Variants in RRAGB observed in about 807,000 individuals in gnomAD.
The protein encoded by RRAGB is ras-related GTP-binding protein B.
A neutral mutation model predicts 29.3 loss-of-function variants in RRAGB; 6 were observed. The ratio of observed to expected loss-of-function variants is 0.21; its 90% CI spans 0.11 to 0.40. RRAGB has a LOEUF of 0.40. RRAGB is among the 10% of genes least tolerant of loss of function. The probability of loss-of-function intolerance (pLI) is 1.00; values close to 1 mark genes in which losing one functional copy is unlikely to be tolerated. For missense variants in RRAGB, 184 were observed against 272.9 expected, an observed-to-expected ratio of 0.67 and a Z score of 2.29; for synonymous variants, 101 against 92.5, an observed-to-expected ratio of 1.09 and a Z score of -0.53.
intron 9 of RRAGB, among the ~76,000 whole-genome samples, chrX:55,757,908 T>C (rs1046571672): frequency 1.8e-5 from 2 of 111,881 alleles, no homozygotes; most frequent in Non-Finnish European, 3.8e-5. Flanking sequence ...CTTGCAGTAT[T>C]TTCAGGATGG....
At chrX:55,734,268 T>A (rs2033793635) in intron 5 of RRAGB, among the ~76,000 whole-genome samples, 1 of 109,531 alleles carries the variant, frequency 9.1e-6, no homozygotes, top group South Asian at 3.9e-4. Flanking sequence ...CGGCTGGGTT[T>A]TTTTTTTTTT....
chrX:55,752,144 C>A, intron 6 of RRAGB: 1 of 572,222 alleles, frequency 1.7e-6, no homozygotes. Context: ...GTTGACCCAG[C>A]CTCACTCTAA....
rs1179410507 is a variant in RRAGB, at chrX:55,729,306, A to G, written c.239A>G (p.His80Arg). 8.4e-7 allele frequency: 1 copy of G among 1,192,228 alleles called. No homozygotes were observed. Among genetic ancestry groups the G allele is most frequent in the Admixed American group, 2.2e-5 (1 of 45,441 alleles). The change falls in exon 4 of 10, where the codon CAT becomes CGT. Residue 80 changes from histidine (H) to arginine (R), a missense_variant. Coordinates refer to ENST00000374941, the MANE Select transcript of RRAGB (RefSeq NM_006064.5). ...RRLGATIDVE[H>R]SHVRFLGNLV... ...ATTTGTCTTCCAGTTGATGTAGAAC[A>G]TTCTCATGTTCGATTTCTGGGAAAC...
chrX:55,749,838 A>G (rs1425590222), intron 5 of RRAGB, among the ~76,000 whole-genome samples: 1 of 107,655 alleles, frequency 9.3e-6, no homozygotes, highest in African/African-American at 3.3e-5. Flanking sequence ...TGAAGGCAGC[A>G]TGCTCGTTAA....
At chrX:55,725,860 TA>T (rs1465936741) in intron 3 of RRAGB, among the ~76,000 whole-genome samples, 1 of 110,642 alleles carries the variant, frequency 9.0e-6, no homozygotes, top group South Asian at 3.8e-4. Flanking sequence ...CATCCCTCTT[TA>T]AAAAAAAATC....
chrX:55,750,048 T>TAAAA (rs774847577), intron 5 of RRAGB, among the ~76,000 whole-genome samples: 4 of 16,773 alleles, frequency 2.4e-4, no homozygotes, highest in East Asian at 1.9e-3. Flanking sequence ...AATGATCAAT[T>TAAAA]AAAAAAAAAA....
intron 5 of RRAGB, among the ~76,000 whole-genome samples, chrX:55,732,345 A>T (rs1166031444): frequency 8.9e-6 from 1 of 111,784 alleles, no homozygotes; most frequent in Non-Finnish European, 1.9e-5. Flanking sequence ...AAATAAGAGG[A>T]TTGGATTTTA....
intron 7 of RRAGB, chrX:55,755,591 G>A: frequency 1.3e-6 from 1 of 745,219 alleles, no homozygotes; most frequent in African/African-American, 2.3e-5. Flanking sequence ...AAATAGCAGT[G>A]AACCAAAATA....
intron 5 of RRAGB, among the ~76,000 whole-genome samples, chrX:55,742,164 C>T (rs186037883): frequency 2.9e-4 from 33 of 112,589 alleles, no homozygotes; most frequent in South Asian, 1.1e-3. Flanking sequence ...AAAAAACAGA[C>T]ATTTACTTTA....
At chrX:55,756,823 A>G (rs1209374775) in intron 8 of RRAGB, among the ~76,000 whole-genome samples, 7 of 111,604 alleles carry the variant, frequency 6.3e-5, no homozygotes, top group Non-Finnish European at 1.1e-4. Context: ...ATGTGGTGGC[A>G]TGCACCTCTG....
intron 8 of RRAGB, 114 bp downstream of exon 8, chrX:55,756,046 A>G (rs969856148): frequency 2.8e-5 from 14 of 501,434 alleles, no homozygotes; most frequent in Middle Eastern, 6.0e-4. Context: ...AGTTCCTTCA[A>G]TCAAAGACAA....
intron 6 of RRAGB, among the ~76,000 whole-genome samples, chrX:55,752,921 G>A (rs1427735574): frequency 2.7e-5 from 3 of 111,160 alleles, no homozygotes; most frequent in Non-Finnish European, 5.7e-5. Flanking sequence ...TTGAGGGGAG[G>A]GGCCATTTGT....
intron 5 of RRAGB, among the ~76,000 whole-genome samples, chrX:55,740,277 A>AG (rs1217725838): frequency 9.0e-6 from 1 of 110,640 alleles, no homozygotes; most frequent in Non-Finnish European, 1.9e-5. Flanking sequence ...GAGCCCAGAT[A>AG]GCGCCACTGC....
chrX:55,729,716 G>A (rs1374471206), intron 4 of RRAGB, among the ~76,000 whole-genome samples: 1 of 111,828 alleles, frequency 8.9e-6, no homozygotes, highest in Non-Finnish European at 1.9e-5. Context: ...GTTATAATAC[G>A]TCAATAATTT....
intron 5 of RRAGB, among the ~76,000 whole-genome samples, chrX:55,736,314 T>A (rs2033861997): frequency 8.9e-6 from 1 of 112,481 alleles, no homozygotes. Context: ...ATTCCTTTTT[T>A]AAAATTTTTA....
chrX:55,734,228 G>A (rs2033790417), intron 5 of RRAGB, among the ~76,000 whole-genome samples: 1 of 108,478 alleles, frequency 9.2e-6, no homozygotes, highest in South Asian at 4.0e-4. Flanking sequence ...CTCCCAAAGT[G>A]CTGGGATTAC....
intron 5 of RRAGB, among the ~76,000 whole-genome samples, chrX:55,748,292 C>A (rs889094950): frequency 8.9e-6 from 1 of 112,566 alleles, no homozygotes. Context: ...CCCGCCACCC[C>A]GTCTGGGAAG....
chrX:55,722,070 G>T, intron 2 of RRAGB, 116 bp from the exon 3 acceptor site: 1 of 413,343 alleles, frequency 2.4e-6, no homozygotes, highest in Admixed American at 3.6e-5. Flanking sequence ...GCACCAGGTT[G>T]TTGGTACTGT....
At chrX:55,734,786 C>G (rs1435931475) in intron 5 of RRAGB, among the ~76,000 whole-genome samples, 1 of 112,023 alleles carries the variant, frequency 8.9e-6, no homozygotes, top group Non-Finnish European at 1.9e-5. Flanking sequence ...TTGATCTTAG[C>G]ACTGCTTTTG....
Sources: gnomAD v4.1 joint callset for allele counts (sites outside exome capture counted in the v4.1 genomes callset) on GRCh38, gnomAD v4.1.1 for gene constraint, MANE v1.5 for transcripts, NCBI Gene and HGNC (gene_info 2026-07-23, HGNC 2026-07-21) for gene names.